PKP2: variants seen among roughly 807,000 people sequenced by gnomAD.
The protein encoded by PKP2 is plakophilin 2, also known as plakophilin-2.
In PKP2, 73 loss-of-function variants were observed where a neutral mutation model predicts 83.4. The ratio of observed to expected loss-of-function variants is 0.88; its 90% CI spans 0.72 to 1.06. PKP2 has a LOEUF of 1.06. Ranked by LOEUF, PKP2 falls within the 50% of genes least tolerant of loss-of-function variation. The pLI is 0.00. For synonymous variants in PKP2, 409 were observed against 430.4 expected, an observed-to-expected ratio of 0.95 and a Z score of 0.62; for missense variants, 966 against 1,065.4, an observed-to-expected ratio of 0.91 and a Z score of 1.30.
At position 32,796,290 on chromosome 12, in the gene PKP2, T is replaced by C. The variant is rs1249551566; in HGVS notation, c.2176A>G (p.Thr726Ala). Residue 726 changes from threonine to alanine, a missense_variant, in exon 11 of 13, where the codon ACT (threonine) becomes GCT (alanine). Transcript: ENST00000340811. ...ATGATGGAAACCAAATCAGGGAGAGTTTCTTTGGCTACAAAATGAAAAAAA... is the reference window on the plus strand; with the variant it reads ...ATGATGGAAACCAAATCAGGGAGAGCTTCTTTGGCTACAAAATGAAAAAAA... ...LSLQNEIAKE[T>A]LPDLVSIIPD... The C allele has an allele frequency of 6.2e-7, 1 of 1,611,266 alleles. No homozygotes were observed. The highest frequency in any genetic ancestry group is 8.5e-7 in the Non-Finnish European group (1 of 1,178,826).
At chr12:32,896,084 AT>A (rs1957120756) in intron 1 of PKP2, among the ~76,000 whole-genome samples, 2 of 152,136 alleles carry the variant, frequency 1.3e-5, no homozygotes, top group African/African-American at 2.4e-5. Flanking sequence ...GTCATTAATT[AT>A]TTAACAAATC....
At chr12:32,828,872 G>A (rs2137798164) in intron 6 of PKP2, among the ~76,000 whole-genome samples, 1 of 152,296 alleles carries the variant, frequency 6.6e-6, no homozygotes, top group Non-Finnish European at 1.5e-5. Flanking sequence ...ACGTCTGAGT[G>A]CATCTTTTCA....
chr12:32,821,863 T>A (rs564390709), intron 8 of PKP2: 2 of 320,656 alleles, frequency 6.2e-6, no homozygotes, highest in South Asian at 3.0e-5. Context: ...ACCCTGTAGA[T>A]AAGAAAAACA....
At chr12:32,874,165 A>C (rs545306618) in intron 3 of PKP2, among the ~76,000 whole-genome samples, 9 of 152,196 alleles carry the variant, frequency 5.9e-5, no homozygotes, top group African/African-American at 2.2e-4. Context: ...AACATATATG[A>C]AAGAATACTC....
intron 1 of PKP2, among the ~76,000 whole-genome samples, chr12:32,883,803 G>C (rs1249692823): frequency 6.6e-6 from 1 of 152,084 alleles, no homozygotes; most frequent in African/African-American, 2.4e-5. Context: ...TGAGAGAGAG[G>C]GTTTACCTGA....
chr12:32,850,967 G>A lies in PKP2; in HGVS notation c.1177C>T (p.Gln393Ter), dbSNP rs786204393. Residue 393 changes from glutamine to a stop codon, truncating the protein, a stop_gained, in exon 5 of 13, where the codon CAG (glutamine) becomes TAG (stop). Transcript: ENST00000340811. LOFTEE classifies it high-confidence loss of function. The part of the protein sequence containing the change: ...QKSEARKRVN[Q>*]LRGILKLLQL... Reference sequence around the variant, plus strand: ...AGAAGCTTGAGGATGCCACGAAGCTGGTTAACCTGGGGAAGAAGCAGATGC... The same window carrying A: ...AGAAGCTTGAGGATGCCACGAAGCTAGTTAACCTGGGGAAGAAGCAGATGC... 1.2e-6 allele frequency: 2 copies of A among 1,613,728 alleles called. No homozygotes were observed. The highest frequency in any genetic ancestry group is 1.3e-5 in the African/African-American group (1 of 75,028).
chr12:32,812,204 G>A (rs1335646235), intron 9 of PKP2, among the ~76,000 whole-genome samples: 2 of 148,950 alleles, frequency 1.3e-5, no homozygotes, highest in East Asian at 4.1e-4. Flanking sequence ...ATAAGGTCAA[G>A]TATAACATTT....
At chr12:32,808,797 TG>T (rs1408920776) in intron 9 of PKP2, among the ~76,000 whole-genome samples, 1 of 152,134 alleles carries the variant, frequency 6.6e-6, no homozygotes, top group Non-Finnish European at 1.5e-5. Flanking sequence ...TGTGGTTTGT[TG>T]GGGGTCTGCT....
intron 9 of PKP2, among the ~76,000 whole-genome samples, chr12:32,803,731 G>A (rs1249949791): frequency 6.6e-6 from 1 of 152,182 alleles, no homozygotes; most frequent in African/African-American, 2.4e-5. Context: ...TGAGAACCAA[G>A]TCTAAATATG....
intron 3 of PKP2, among the ~76,000 whole-genome samples, chr12:32,872,679 A>G (rs2137930666): frequency 1.3e-5 from 2 of 152,328 alleles, no homozygotes; most frequent in East Asian, 3.9e-4. Flanking sequence ...AAGGCAAAGC[A>G]AACATAAAAT....
chr12:32,859,236 G>C (rs1956778844), intron 4 of PKP2, among the ~76,000 whole-genome samples: 1 of 152,134 alleles, frequency 6.6e-6, no homozygotes, highest in African/African-American at 2.4e-5. Flanking sequence ...AAGGTGAAAA[G>C]CTTAAGAGAG....
Position 32,797,758 on chromosome 12 carries a change from T to G in PKP2, c.2168-1460A>C, listed in dbSNP as rs1262748. Among the ~76,000 whole-genome samples, 6 of 151,654 alleles carry G rather than the reference T, an allele frequency of 4.0e-5. No individual in the cohort carries two copies. The East Asian group carries it at 1.2e-3, about 30-fold the overall frequency. On this transcript the variant is annotated intron_variant, in intron 10 of 12. Coordinates refer to ENST00000340811, the MANE Select transcript of PKP2 (RefSeq NM_001005242.3). ...TTTTTAGTAGAGACGGGGTTTCACC[T>G]TGTTAGCCAGGATGATCTTGATCTC...
intron 6 of PKP2, 39 bp from the exon 7 acceptor site, chr12:32,824,201 C>G: frequency 7.5e-7 from 1 of 1,338,452 alleles, no homozygotes; most frequent in Admixed American, 1.7e-5. Flanking sequence ...TAAGTCTAGG[C>G]TGTGTATCCA....
chr12:32,798,456 G>T (rs1956151307), intron 10 of PKP2, among the ~76,000 whole-genome samples: 1 of 149,594 alleles, frequency 6.7e-6, no homozygotes, highest in South Asian at 2.1e-4. Context: ...TAACTTCTTG[G>T]TTATAAGTTT....
At chr12:32,869,163 A>G in intron 3 of PKP2, 101 bp from the exon 4 acceptor site, 1 of 1,354,162 alleles carries the variant, frequency 7.4e-7, no homozygotes, top group Non-Finnish European at 1.0e-6. Context: ...GGGAAGCACT[A>G]GAACATCTGA....
intron 4 of PKP2, among the ~76,000 whole-genome samples, chr12:32,851,355 A>C (rs970655078): frequency 6.6e-6 from 1 of 152,222 alleles, no homozygotes; most frequent in Non-Finnish European, 1.5e-5. Flanking sequence ...AAATTACGTA[A>C]GTTTTTTCCT....
chr12:32,879,191 C>G (rs1323393678), intron 1 of PKP2, among the ~76,000 whole-genome samples, 159 bp from the exon 2 acceptor site: 1 of 152,204 alleles, frequency 6.6e-6, no homozygotes, highest in Admixed American at 6.5e-5. Flanking sequence ...TAGTTTCACA[C>G]CACCCTGGGA....
chr12:32,868,630 C>G (rs1355135336), intron 4 of PKP2, among the ~76,000 whole-genome samples: 1 of 152,136 alleles, frequency 6.6e-6, no homozygotes, highest in East Asian at 1.9e-4. Context: ...TCAAGTGATT[C>G]TCCTGCCTCA....
intron 1 of PKP2, among the ~76,000 whole-genome samples, chr12:32,895,140 T>C (rs192095369): frequency 1.4e-4 from 22 of 152,332 alleles, no homozygotes; most frequent in Admixed American, 4.6e-4. Flanking sequence ...CTGCTTAGTT[T>C]CCTCATCTGT....
Sources: allele counts gnomAD v4.1 joint callset (sites outside exome capture counted in the v4.1 genomes callset), GRCh38; gene constraint gnomAD v4.1.1; transcripts MANE v1.5; gene names NCBI Gene and HGNC (gene_info 2026-07-23, HGNC 2026-07-21).